The following LUC7L3 variants were observed in gnomAD, a reference collection of about 807,000 sequenced individuals.
The protein encoded by LUC7L3 is luc7-like protein 3.
A neutral mutation model predicts 66.8 loss-of-function variants in LUC7L3; 6 were observed. The ratio of observed to expected loss-of-function variants is 0.09; its 90% confidence interval spans 0.05 to 0.18. The LOEUF is 0.18. Ranked by LOEUF, LUC7L3 falls within the 10% of genes least tolerant of loss-of-function variation. The pLI is 1.00. For synonymous variants in LUC7L3, 160 were observed against 174.7 expected, an observed-to-expected ratio of 0.92 and a Z score of 0.66; for missense variants, 341 against 531.1, an observed-to-expected ratio of 0.64 and a Z score of 3.52.
chr17:50,751,153 C>CT lies in LUC7L3; in HGVS notation c.*495dup. 1 of 1,474,206 alleles carries CT rather than the reference C, an allele frequency of 6.8e-7. No individual in the cohort carries two copies. Among genetic ancestry groups the CT allele is most frequent in the Non-Finnish European group, 8.9e-7 (1 of 1,118,160 alleles). 91.3% of individuals were successfully genotyped at this position (1,474,206 alleles called of 1,614,324 possible). ...TGTTTTAATTAAACTGCTAGTATTT[C>CT]TTTGTCAAGGATGTTTCTAGTTTTT... On this transcript the variant is annotated 3_prime_UTR_variant, in exon 10 of 10. Coordinates refer to ENST00000505658, the MANE Select transcript of LUC7L3 (RefSeq NM_016424.5).
chr17:50,721,858 C>G (rs539127261), intron 1 of LUC7L3, among the ~76,000 whole-genome samples: 129 of 151,340 alleles, frequency 8.5e-4, no homozygotes, highest in African/African-American at 3.1e-3. Context: ...TTTTTCTTGG[C>G]CATACTTGCA....
At chr17:50,724,756 CTTTT>C (rs58826303) in intron 1 of LUC7L3, among the ~76,000 whole-genome samples, 10 of 128,456 alleles carry the variant, frequency 7.8e-5, no homozygotes, top group Admixed American at 8.3e-5. Flanking sequence ...AATATTTTCT[CTTTT>C]TTTTTTTTTT....
chr17:50,723,356 T>C (rs979420020), intron 1 of LUC7L3: 2 of 152,270 alleles, frequency 1.3e-5, no homozygotes, highest in African/African-American at 4.8e-5. Context: ...TGTTCTTTTC[T>C]AAAATCTTTG....
chr17:50,731,316 T>G (rs1352102864), intron 1 of LUC7L3, among the ~76,000 whole-genome samples: 2 of 152,154 alleles, frequency 1.3e-5, no homozygotes, highest in African/African-American at 4.8e-5. Context: ...TTACAGGCAC[T>G]TGCCATTATG....
At position 50,754,819 on chromosome 17, in the gene LUC7L3, TAACC is replaced by T. The variant is rs533690756; in HGVS notation, c.*4163_*4166del. The stretch of plus-strand genomic sequence containing the variant: ...TATAGTTAGTGTCACAGAGGATAAA[TAACC>T]AACCTTATTTCTAAGGTCTGAGAAC... On this transcript the variant is annotated 3_prime_UTR_variant, in exon 10 of 10. Coordinates refer to ENST00000505658, the MANE Select transcript of LUC7L3 (RefSeq NM_016424.5). 148 of 152,294 alleles carry T rather than the reference TAACC, an allele frequency of 9.7e-4. No individual in the cohort carries two copies. The highest frequency in any genetic ancestry group is 2.7e-3 in the Admixed American group (41 of 15,290). The allele number at this position is 152,294 out of a possible 1,614,324, so 9.4% of individuals were successfully genotyped here. A position where few individuals can be genotyped will look rare whatever the true frequency, so the allele number is the denominator to read the frequency against.
rs570991962 is a variant in LUC7L3 at position 50,723,716 on chromosome 17, A to G, written c.99+3885A>G. 204 of 242,246 alleles carry G rather than the reference A, an allele frequency of 8.4e-4. 2 individuals are homozygous for G. Among genetic ancestry groups the G allele is most frequent in the Non-Finnish European group, 1.2e-3 (145 of 122,370 alleles). The allele number at this position is 242,246 out of a possible 1,614,324, so 15.0% of individuals were successfully genotyped here. On this transcript the variant is annotated intron_variant, in intron 1 of 9. Coordinates refer to ENST00000505658, the MANE Select transcript of LUC7L3 (RefSeq NM_016424.5). ...GTCACCCAGGCTGGAGTGTAGTGGCATGATCTTGGCTCACTGCAACCTCCA... is the reference window on the plus strand; with the variant it reads ...GTCACCCAGGCTGGAGTGTAGTGGCGTGATCTTGGCTCACTGCAACCTCCA...
intron 1 of LUC7L3, among the ~76,000 whole-genome samples, chr17:50,733,988 A>C (rs1412935640): frequency 6.6e-6 from 1 of 152,220 alleles, no homozygotes; most frequent in African/African-American, 2.4e-5. Context: ...GTTGCATTTA[A>C]AGTGAACACA....
chr17:50,743,538 C>T, intron 5 of LUC7L3, 168 bp from the exon 6 acceptor site: 1 of 554,810 alleles, frequency 1.8e-6, no homozygotes, highest in Non-Finnish European at 3.2e-6. Flanking sequence ...ATCAGTTATA[C>T]TTTATTGAAG....
chr17:50,740,653 G>A (rs1970292317), intron 3 of LUC7L3, among the ~76,000 whole-genome samples: 1 of 152,100 alleles, frequency 6.6e-6, no homozygotes, highest in Admixed American at 6.5e-5. Context: ...CCGCCTCCCA[G>A]GTTCAAGGGA....
At chr17:50,729,471 T>C (rs1969419579) in intron 1 of LUC7L3, among the ~76,000 whole-genome samples, 2 of 152,184 alleles carry the variant, frequency 1.3e-5, no homozygotes, top group Admixed American at 1.3e-4. Flanking sequence ...AGCCTCCTTA[T>C]TCCAGTTCAG....
intron 2 of LUC7L3, among the ~76,000 whole-genome samples, chr17:50,740,082 G>C (rs1379142819): frequency 1.3e-5 from 2 of 151,600 alleles, no homozygotes; most frequent in Non-Finnish European, 2.9e-5. Flanking sequence ...ACCATATATG[G>C]TTGCTGTCCA....
chr17:50,740,350 G>A lies in LUC7L3; in HGVS notation c.206+5G>A. ...TGATGAAAATCTACGAAAACAGTAA[G>A]TTATTTTGCTTGTCATTTCCACCCC... is the stretch of plus-strand genomic sequence containing the variant. On this transcript the variant is annotated splice_donor_5th_base_variant and intron_variant, in intron 3 of 9. Transcript: ENST00000505658. The A allele has an allele frequency of 1.9e-6, 3 of 1,605,260 alleles. No individual in the cohort carries two copies. The highest frequency in any genetic ancestry group is 2.5e-6 in the Non-Finnish European group (3 of 1,176,632).
chr17:50,720,574 C>T (rs1192054769), intron 1 of LUC7L3, among the ~76,000 whole-genome samples: 2 of 152,232 alleles, frequency 1.3e-5, no homozygotes, highest in African/African-American at 4.8e-5. Flanking sequence ...AACTGGTTCT[C>T]TGCACCTACT....
intron 9 of LUC7L3, chr17:50,749,303 C>A (rs781637659): frequency 7.8e-7 from 1 of 1,289,332 alleles, no homozygotes; most frequent in South Asian, 1.2e-5. Flanking sequence ...ACCTGTGCAC[C>A]GGAGAAGCCC....
rs1453910499 is a variant in LUC7L3, at chr17:50,729,907, T to C, written c.100-7053T>C. Among the ~76,000 whole-genome samples, 3 of 15,988 alleles carry C rather than the reference T, an allele frequency of 1.9e-4. No homozygotes were observed. In the East Asian group the frequency reaches 9.4e-3, roughly 50 times the overall value. The allele number at this position is 15,988 out of a possible 152,430, so 10.5% of individuals were successfully genotyped here. A position where few individuals can be genotyped will look rare whatever the true frequency, so the allele number is the denominator to read the frequency against. The stretch of plus-strand genomic sequence containing the variant: ...TGAATATAAATACATTATATATATA[T>C]ATATATATATATATATATATATATA... On this transcript the variant is annotated intron_variant, in intron 1 of 9. Coordinates refer to ENST00000505658, the MANE Select transcript of LUC7L3 (RefSeq NM_016424.5).
Position 50,750,847 on chromosome 17 carries a change from T to A in LUC7L3, c.*186T>A. ...AAGACAGTGTAGTCCTGCAAAACAT[T>A]TTGAGGTACATTGTTTTGTCTCAGC... is the stretch of plus-strand genomic sequence containing the variant. On this transcript the variant is annotated 3_prime_UTR_variant, in exon 10 of 10. Coordinates refer to ENST00000505658, the MANE Select transcript of LUC7L3 (RefSeq NM_016424.5). 6.5e-7 allele frequency: 1 copy of A among 1,538,950 alleles called. No homozygotes were observed. The highest frequency in any genetic ancestry group is 2.4e-5 in the East Asian group (1 of 40,920).
chr17:50,728,461 TA>T (rs61350072), intron 1 of LUC7L3, among the ~76,000 whole-genome samples: 11,853 of 151,710 alleles, frequency 0.078, 460 homozygotes, highest in Non-Finnish European at 0.083. Flanking sequence ...AACTCTTAGG[TA>T]AAAAAAAATA....
Position 50,745,961 on chromosome 17 carries a change from G to A in LUC7L3, c.935G>A (p.Arg312Gln), listed in dbSNP as rs144725061. 730 of 1,609,282 alleles carry A rather than the reference G, an allele frequency of 4.5e-4. 2 individuals are homozygous for A. The African/African-American group carries it at 6.7e-3, about 15-fold the overall frequency. ...TCAGACAGAAGATGCAGCAGGTCTCGGGACCACAAAAGGTCACGAAGTAGA... is the reference window on the plus strand; with the variant it reads ...TCAGACAGAAGATGCAGCAGGTCTCAGGACCACAAAAGGTCACGAAGTAGA... ...RTSDRRCSRSRDHKRSRSRER... is the reference protein window; with the variant it reads ...RTSDRRCSRSQDHKRSRSRER... The change falls in exon 8 of 10, where the codon CGG (arginine) becomes CAG (glutamine). Residue 312 changes from arginine (R) to glutamine (Q), a missense_variant. Arg to Gln is a conservative substitution (Grantham distance 43, BLOSUM62 1). Coordinates refer to ENST00000505658, the MANE Select transcript of LUC7L3 (RefSeq NM_016424.5).
rs8080454 is a variant in LUC7L3 at position 50,740,401 on chromosome 17, G to C, written c.206+56G>C. On this transcript the variant is annotated intron_variant, in intron 3 of 9. Coordinates refer to ENST00000505658, the MANE Select transcript of LUC7L3 (RefSeq NM_016424.5). Reference sequence around the variant, plus strand: ...CCCAGTTATTAGTTGGTTTAAGTGGGACAAGGGTTGAGGAATAATTGCAAT... The same window carrying C: ...CCCAGTTATTAGTTGGTTTAAGTGGCACAAGGGTTGAGGAATAATTGCAAT... The C allele has an allele frequency of 1.2e-5, 18 of 1,487,554 alleles. No homozygotes were observed. In the African/African-American group the frequency reaches 2.2e-4, roughly 19 times the overall value. 92.1% of individuals were successfully genotyped at this position (1,487,554 alleles called of 1,614,324 possible). A position where few individuals can be genotyped will look rare whatever the true frequency, so the allele number is the denominator to read the frequency against.
Sources: allele counts gnomAD v4.1 joint callset (sites outside exome capture counted in the v4.1 genomes callset), GRCh38; gene constraint gnomAD v4.1.1; transcripts MANE v1.5; gene names NCBI Gene and HGNC (gene_info 2026-07-23, HGNC 2026-07-21).